The following AQP7B variants were observed in gnomAD, a reference collection of about 807,000 sequenced individuals.
The protein encoded by AQP7B is aquaporin 7B.
the AQP7B span, among the ~76,000 whole-genome samples, chr2:94,587,924 CAGG>C: frequency 6.6e-6 from 1 of 152,006 alleles, no homozygotes; most frequent in African/African-American, 2.4e-5. Context: ...GCTAGATAAT[CAGG>C]AGGACAGACA....
the AQP7B span, chr2:94,603,942 C>T: frequency 2.5e-6 from 3 of 1,221,522 alleles, no homozygotes; most frequent in Admixed American, 5.5e-5. Context: ...ACTGCCCCTG[C>T]CCAGGCCCAT....
the AQP7B span, chr2:94,594,967 C>G: frequency 1.4e-6 from 1 of 719,052 alleles, no homozygotes; most frequent in East Asian, 2.8e-5. Context: ...ATTGTCCATT[C>G]CTTGCCTCTG....
At chr2:94,604,262 A>T in the AQP7B span, 21 of 1,574,780 alleles carry the variant, frequency 1.3e-5, no homozygotes, top group African/African-American at 1.2e-4. Flanking sequence ...CAGCCCCCTC[A>T]GCAGGCCTCT....
At chr2:94,599,523 C>T in the AQP7B span, among the ~76,000 whole-genome samples, 13 of 152,200 alleles carry the variant, frequency 8.5e-5, no homozygotes, top group East Asian at 2.1e-3. Context: ...GTTCAGCTCA[C>T]CCTCTTGTCC....
chr2:94,598,615 A>C, the AQP7B span, among the ~76,000 whole-genome samples: 1 of 152,154 alleles, frequency 6.6e-6, no homozygotes, highest in Non-Finnish European at 1.5e-5. Flanking sequence ...GACTGTTGTC[A>C]TGGAGGGTGG....
chr2:94,600,418 A>T, the AQP7B span, among the ~76,000 whole-genome samples: 4 of 152,190 alleles, frequency 2.6e-5, no homozygotes, highest in African/African-American at 9.7e-5. Flanking sequence ...CTATTTCAAG[A>T]TGCAGTCAAT....
At chr2:94,600,670 G>A in the AQP7B span, among the ~76,000 whole-genome samples, 4 of 152,198 alleles carry the variant, frequency 2.6e-5, no homozygotes, top group African/African-American at 9.6e-5. Context: ...ATGAGGTCAG[G>A]TGTTTGAGAC....
At chr2:94,596,466 G>A in the AQP7B span, among the ~76,000 whole-genome samples, 1 of 152,194 alleles carries the variant, frequency 6.6e-6, no homozygotes, top group Non-Finnish European at 1.5e-5. Context: ...TGTGTGTGTG[G>A]TGGGGCCCAT....
At chr2:94,603,480 G>T in the AQP7B span, 6 of 1,610,782 alleles carry the variant, frequency 3.7e-6, no homozygotes, top group Admixed American at 1.0e-4. Context: ...ACATGACATT[G>T]TGGCGGGGCT....
At chr2:94,593,710 T>A in the AQP7B span, among the ~76,000 whole-genome samples, 2 of 151,926 alleles carry the variant, frequency 1.3e-5, no homozygotes, top group Non-Finnish European at 2.9e-5. Flanking sequence ...GGTCTCGAAC[T>A]CCCAACCTCA....
chr2:94,601,441 G>A, the AQP7B span, among the ~76,000 whole-genome samples: 9 of 152,328 alleles, frequency 5.9e-5, no homozygotes, highest in African/African-American at 2.2e-4. Context: ...AGAGGTGACG[G>A]GAATTTTAGC....
the AQP7B span, among the ~76,000 whole-genome samples, chr2:94,602,247 A>G: frequency 8.5e-5 from 13 of 152,052 alleles, no homozygotes; most frequent in Admixed American, 7.9e-4. Context: ...GTTTGTCGTA[A>G]GAGCTTCTAA....
At chr2:94,593,273 G>A in the AQP7B span, among the ~76,000 whole-genome samples, 13 of 151,874 alleles carry the variant, frequency 8.6e-5, no homozygotes, top group Middle Eastern at 3.4e-3. Context: ...GAAGGCTGGC[G>A]GGTAAAGGAG....
At chr2:94,604,484 C>A in the AQP7B span, 1 of 1,611,154 alleles carries the variant, frequency 6.2e-7, no homozygotes, top group Admixed American at 1.7e-5. Flanking sequence ...GATCTCTCCC[C>A]TCACCCTCAT....
the AQP7B span, among the ~76,000 whole-genome samples, chr2:94,592,055 G>A: frequency 6.6e-6 from 1 of 152,168 alleles, no homozygotes; most frequent in Admixed American, 6.5e-5. Flanking sequence ...GTGGTTATCT[G>A]TTGCTTACTG....
chr2:94,589,590 C>T, the AQP7B span, among the ~76,000 whole-genome samples: 3 of 152,198 alleles, frequency 2.0e-5, no homozygotes, highest in Non-Finnish European at 2.9e-5. Context: ...CATTTCATTG[C>T]TGTCAGCTCC....
the AQP7B span, among the ~76,000 whole-genome samples, chr2:94,602,841 C>T: frequency 2.0e-5 from 3 of 152,188 alleles, no homozygotes; most frequent in African/African-American, 4.8e-5. Flanking sequence ...CTTAGGCAAG[C>T]CATCGCCTTC....
At chr2:94,594,529 G>A in the AQP7B span, among the ~76,000 whole-genome samples, 2 of 152,212 alleles carry the variant, frequency 1.3e-5, no homozygotes, top group South Asian at 2.1e-4. Flanking sequence ...CCAACTAGAA[G>A]GGGCATGGCC....
the AQP7B span, among the ~76,000 whole-genome samples, chr2:94,598,085 C>T: frequency 1.3e-5 from 2 of 152,198 alleles, no homozygotes; most frequent in Middle Eastern, 3.2e-3. Context: ...AAAATTCTTG[C>T]TGTGCAGATT....
Sources: allele counts gnomAD v4.1 joint callset (sites outside exome capture counted in the v4.1 genomes callset), GRCh38; gene constraint gnomAD v4.1.1; transcripts MANE v1.5; gene names NCBI Gene and HGNC (gene_info 2026-07-23, HGNC 2026-07-21).